Variants in SPOCK1 observed in about 807,000 individuals in gnomAD.
The protein encoded by SPOCK1 is SPARC (osteonectin), cwcv and kazal like domains proteoglycan 1.
In SPOCK1, 23 loss-of-function variants were observed where a neutral mutation model predicts 55.3. That is an observed-to-expected ratio of 0.42 (90% CI 0.30 to 0.59). SPOCK1 has a LOEUF of 0.59. Ranked by LOEUF, SPOCK1 falls within the 20% of genes least tolerant of loss-of-function variation. The probability of loss-of-function intolerance (pLI) is 0.22; values close to 1 mark genes in which losing one functional copy is unlikely to be tolerated. For synonymous variants in SPOCK1, 226 were observed against 221.0 expected, an observed-to-expected ratio of 1.02 and a Z score of -0.20; for missense variants, 499 against 552.5, an observed-to-expected ratio of 0.90 and a Z score of 0.97.
chr5:137,249,157 G>C (rs753338797), intron 3 of SPOCK1, among the ~76,000 whole-genome samples: 1 of 152,216 alleles, frequency 6.6e-6, no homozygotes, highest in African/African-American at 2.4e-5. Context: ...GGACATTCAT[G>C]GCTCAGGCAA....
At chr5:137,447,526 C>T (rs981904550) in intron 2 of SPOCK1, among the ~76,000 whole-genome samples, 4 of 152,116 alleles carry the variant, frequency 2.6e-5, no homozygotes, top group African/African-American at 4.8e-5. Flanking sequence ...TGAAATAAAT[C>T]GGTATTATAT....
At chr5:137,344,503 C>T (rs1013500461) in intron 2 of SPOCK1, among the ~76,000 whole-genome samples, 11 of 152,146 alleles carry the variant, frequency 7.2e-5, no homozygotes, top group African/African-American at 2.7e-4. Flanking sequence ...AGTGATTTTG[C>T]CCCCTAGGGG....
At chr5:137,061,220 G>A (rs1161138570) in intron 6 of SPOCK1, among the ~76,000 whole-genome samples, 1 of 152,058 alleles carries the variant, frequency 6.6e-6, no homozygotes, top group Admixed American at 6.6e-5. Flanking sequence ...ATTTTTCTAG[G>A]AGCCTCTGCA....
chr5:137,436,623 C>T (rs1032266301), intron 2 of SPOCK1, among the ~76,000 whole-genome samples: 1 of 151,508 alleles, frequency 6.6e-6, no homozygotes, highest in Non-Finnish European at 1.5e-5. Flanking sequence ...TGACACAATC[C>T]AAAAAAAGAA....
intron 2 of SPOCK1, among the ~76,000 whole-genome samples, chr5:137,472,509 G>A (rs561775378): frequency 1.3e-5 from 2 of 152,310 alleles, no homozygotes; most frequent in African/African-American, 2.4e-5. Context: ...TGCTGGTGGG[G>A]GCTTTAACTG....
intron 2 of SPOCK1, among the ~76,000 whole-genome samples, chr5:137,393,046 C>T (rs1203124711): frequency 6.6e-6 from 1 of 152,154 alleles, no homozygotes; most frequent in African/African-American, 2.4e-5. Flanking sequence ...CACATCTTTT[C>T]CAATACATAC....
chr5:137,023,070 G>A (rs898776647), intron 6 of SPOCK1, among the ~76,000 whole-genome samples: 2 of 152,196 alleles, frequency 1.3e-5, no homozygotes, highest in African/African-American at 4.8e-5. Context: ...GCCTGAGTTT[G>A]GATCCTGGCT....
chr5:137,460,910 G>A (rs748142105), intron 2 of SPOCK1, among the ~76,000 whole-genome samples: 3 of 152,084 alleles, frequency 2.0e-5, no homozygotes, highest in Non-Finnish European at 2.9e-5. Context: ...TAAACCAGCT[G>A]CCTCCACTCA....
chr5:137,153,864 A>C (rs1036703567), intron 3 of SPOCK1, among the ~76,000 whole-genome samples: 3 of 147,654 alleles, frequency 2.0e-5, no homozygotes, highest in Non-Finnish European at 4.6e-5. Flanking sequence ...TCTCAAAAAA[A>C]CAAAAAAACA....
intron 2 of SPOCK1, among the ~76,000 whole-genome samples, chr5:137,406,261 A>G (rs1354586022): frequency 6.6e-6 from 1 of 152,198 alleles, no homozygotes; most frequent in Non-Finnish European, 1.5e-5. Flanking sequence ...GCTTGACGCC[A>G]GTGCCAAATG....
At chr5:137,310,269 C>T (rs1243609176) in intron 2 of SPOCK1, among the ~76,000 whole-genome samples, 1 of 152,144 alleles carries the variant, frequency 6.6e-6, no homozygotes, top group South Asian at 2.1e-4. Context: ...AATAGAAGTT[C>T]CTGTCTCTCC....
At chr5:137,429,005 G>T (rs1354240800) in intron 2 of SPOCK1, among the ~76,000 whole-genome samples, 1 of 152,210 alleles carries the variant, frequency 6.6e-6, no homozygotes, top group African/African-American at 2.4e-5. Flanking sequence ...TACATCTGAT[G>T]ATGGTACTCT....
At chr5:137,070,343 T>C (rs1752587851) in intron 5 of SPOCK1, among the ~76,000 whole-genome samples, 1 of 152,230 alleles carries the variant, frequency 6.6e-6, no homozygotes, top group Non-Finnish European at 1.5e-5. Flanking sequence ...CAGCATAACT[T>C]AGCAAAAGCT....
intron 2 of SPOCK1, among the ~76,000 whole-genome samples, chr5:137,496,686 T>C (rs1754305526): frequency 6.6e-6 from 1 of 152,148 alleles, no homozygotes; most frequent in Admixed American, 6.5e-5. Flanking sequence ...GAATCCTTCA[T>C]GGTTTGGGCA....
chr5:136,983,049 C>T (rs1750763524), intron 9 of SPOCK1, among the ~76,000 whole-genome samples: 1 of 152,132 alleles, frequency 6.6e-6, no homozygotes, highest in Admixed American at 6.5e-5. Flanking sequence ...TGATAGTGTG[C>T]ATCTTCTATG....
At chr5:137,333,051 G>C (rs892830655) in intron 2 of SPOCK1, among the ~76,000 whole-genome samples, 1 of 152,152 alleles carries the variant, frequency 6.6e-6, no homozygotes, top group Non-Finnish European at 1.5e-5. Context: ...CTGGGGTGTT[G>C]GTCAACTCCC....
chr5:137,309,833 G>A (rs1470220346), intron 2 of SPOCK1, among the ~76,000 whole-genome samples: 1 of 151,982 alleles, frequency 6.6e-6, no homozygotes, highest in Non-Finnish European at 1.5e-5. Flanking sequence ...CAAGTAGGAG[G>A]TGCTCAAACA....
chr5:137,005,038 G>T (rs1441712130), intron 6 of SPOCK1, among the ~76,000 whole-genome samples: 1 of 152,204 alleles, frequency 6.6e-6, no homozygotes, highest in East Asian at 1.9e-4. Context: ...GTAGGCAAGA[G>T]GCTTGCCATA....
At chr5:137,420,275 T>G (rs980531522) in intron 2 of SPOCK1, among the ~76,000 whole-genome samples, 19 of 152,348 alleles carry the variant, frequency 1.2e-4, no homozygotes, top group African/African-American at 4.6e-4. Flanking sequence ...GTTGTGTCTC[T>G]GCCAGGCTTT....
Sources: gnomAD v4.1 joint callset for allele counts (sites outside exome capture counted in the v4.1 genomes callset) on GRCh38, gnomAD v4.1.1 for gene constraint, MANE v1.5 for transcripts, NCBI Gene and HGNC (gene_info 2026-07-23, HGNC 2026-07-21) for gene names.